SORCS1: variants seen among roughly 807,000 people sequenced by gnomAD.
SORCS1 encodes the protein VPS10 domain-containing receptor SorCS1.
A neutral mutation model predicts 146.1 loss-of-function variants in SORCS1; 60 were observed. The observed-to-expected ratio is 0.41, with a 90% CI of 0.33 to 0.51. SORCS1 has a LOEUF of 0.51. Among genes scored for constraint, SORCS1 ranks in the 20% least tolerant of loss-of-function variants. The pLI, the probability that SORCS1 is intolerant of heterozygous loss-of-function variation, is 0.21. For missense variants in SORCS1, 1,352 were observed against 1,487.6 expected, an observed-to-expected ratio of 0.91 and a Z score of 1.50; for synonymous variants, 637 against 584.0, an observed-to-expected ratio of 1.09 and a Z score of -1.31.
intron 1 of SORCS1, among the ~76,000 whole-genome samples, chr10:107,013,661 C>T (rs1042476975): frequency 1.3e-5 from 2 of 152,142 alleles, no homozygotes; most frequent in Non-Finnish European, 2.9e-5. Flanking sequence ...ACCACCTCAG[C>T]TTGTAGGCTA....
At chr10:107,121,601 A>C (rs1966415991) in intron 1 of SORCS1, among the ~76,000 whole-genome samples, 1 of 152,206 alleles carries the variant, frequency 6.6e-6, no homozygotes, top group Admixed American at 6.5e-5. Flanking sequence ...CAACATTATC[A>C]AACATGATTC....
chr10:107,087,507 A>C (rs530585223), intron 1 of SORCS1, among the ~76,000 whole-genome samples: 1 of 152,382 alleles, frequency 6.6e-6, no homozygotes, highest in African/African-American at 2.4e-5. Flanking sequence ...CTAACGGAAT[A>C]GTCACTAACT....
intron 1 of SORCS1, among the ~76,000 whole-genome samples, chr10:107,002,998 G>A (rs1957280030): frequency 6.6e-6 from 1 of 152,132 alleles, no homozygotes; most frequent in African/African-American, 2.4e-5. Context: ...GCTCACACCT[G>A]TAATCCTAGC....
chr10:106,858,345 C>A (rs1272602179), intron 2 of SORCS1, among the ~76,000 whole-genome samples: 5 of 151,002 alleles, frequency 3.3e-5, no homozygotes. Context: ...TTTGGCTGGG[C>A]GCAGTGGCTC....
intron 2 of SORCS1, among the ~76,000 whole-genome samples, chr10:106,898,405 A>G (rs1357499402): frequency 6.6e-6 from 1 of 152,202 alleles, no homozygotes; most frequent in Non-Finnish European, 1.5e-5. Context: ...CTTTCTATGC[A>G]GGAGTTTTAC....
At position 107,014,203 on chromosome 10, in the gene SORCS1, G is replaced by A. The variant is rs771579580; in HGVS notation, c.559-57623C>T. Reference sequence around the variant, plus strand: ...GGAGGCAGAGGTTGCGGTGAGCCAAGATCATGCCACTGCATTCCAGCCTGG... The same window carrying A: ...GGAGGCAGAGGTTGCGGTGAGCCAAAATCATGCCACTGCATTCCAGCCTGG... On this transcript the variant is annotated intron_variant, in intron 1 of 25. Coordinates refer to ENST00000263054, the MANE Select transcript of SORCS1 (RefSeq NM_052918.5). 1.1e-3 allele frequency among the ~76,000 whole-genome samples: 144 copies of A among 136,886 alleles called. 1 individual carries two copies. Among genetic ancestry groups the A allele is most frequent in the Middle Eastern group, 7.4e-3 (2 of 270 alleles). 89.8% of individuals were successfully genotyped at this position (136,886 alleles called of 152,430 possible).
intron 1 of SORCS1, among the ~76,000 whole-genome samples, chr10:107,102,114 G>T (rs11813704): frequency 0.029 from 4,450 of 152,212 alleles, 217 homozygotes; most frequent in African/African-American, 0.1. Context: ...CTAGCATAAT[G>T]CAACACATGA....
At chr10:107,014,197 A>T (rs1957796492) in intron 1 of SORCS1, among the ~76,000 whole-genome samples, 1 of 148,058 alleles carries the variant, frequency 6.8e-6, no homozygotes, top group South Asian at 2.2e-4. Flanking sequence ...GGTTGCGGTG[A>T]GCCAAGATCA....
chr10:106,751,058 CAAAAAAAAAAAAAAAAAAA>C (rs35691571), intron 5 of SORCS1, among the ~76,000 whole-genome samples: 7 of 22,446 alleles, frequency 3.1e-4, no homozygotes, highest in Admixed American at 1.8e-3. Flanking sequence ...GACTCCGTCT[CAAAAAAAAAAAAAAAAAAA>C]AAAAAAAAAA....
At chr10:106,984,673 A>T (rs1022312177) in intron 1 of SORCS1, among the ~76,000 whole-genome samples, 2 of 151,950 alleles carry the variant, frequency 1.3e-5, no homozygotes, top group South Asian at 2.1e-4. Flanking sequence ...GATTACAGGC[A>T]TGAGCCACTG....
intron 1 of SORCS1, among the ~76,000 whole-genome samples, chr10:107,148,275 T>C (rs905190704): frequency 6.6e-6 from 1 of 152,158 alleles, no homozygotes; most frequent in African/African-American, 2.4e-5. Flanking sequence ...AACGTTCCTG[T>C]AAAGGGTCAC....
At chr10:106,760,899 G>A (rs1299989778) in intron 5 of SORCS1, among the ~76,000 whole-genome samples, 1 of 152,052 alleles carries the variant, frequency 6.6e-6, no homozygotes, top group African/African-American at 2.4e-5. Flanking sequence ...TTGAGGTCAG[G>A]AGTTCAAGAC....
chr10:106,837,827 T>C (rs1346723036), intron 2 of SORCS1, among the ~76,000 whole-genome samples: 2 of 152,078 alleles, frequency 1.3e-5, no homozygotes, highest in Non-Finnish European at 2.9e-5. Flanking sequence ...AACTGTCTTA[T>C]TGCTTTCTGA....
rs1050979593 is a variant in SORCS1 at position 106,847,845 on chromosome 10, C to T, written c.627-18172G>A. ...TTCTGTCTTCATTTCGTTATGTACC[C>T]AGTAGTCATTCAGGAGCAGGTTGTT... On this transcript the variant is annotated intron_variant, in intron 2 of 25. Coordinates refer to ENST00000263054, the MANE Select transcript of SORCS1 (RefSeq NM_052918.5). Among the ~76,000 whole-genome samples, 116 of 147,172 alleles carry T rather than the reference C, an allele frequency of 7.9e-4. 2 individuals are homozygous for T. The highest frequency in any genetic ancestry group is 1.7e-4 in the Non-Finnish European group (11 of 66,422).
At chr10:106,655,414 AG>A (rs1272544901) in intron 17 of SORCS1, among the ~76,000 whole-genome samples, 2 of 151,998 alleles carry the variant, frequency 1.3e-5, no homozygotes, top group African/African-American at 4.8e-5. Context: ...TGCAAACTGA[AG>A]TCAGGTTATG....
At chr10:106,768,952 A>G (rs1237195194) in intron 4 of SORCS1, among the ~76,000 whole-genome samples, 1 of 152,224 alleles carries the variant, frequency 6.6e-6, no homozygotes, top group Non-Finnish European at 1.5e-5. Flanking sequence ...TGGAGAAACT[A>G]CATTTAAACG....
chr10:107,117,259 T>C (rs1196280533), intron 1 of SORCS1, among the ~76,000 whole-genome samples: 4 of 152,058 alleles, frequency 2.6e-5, no homozygotes, highest in Non-Finnish European at 5.9e-5. Flanking sequence ...AAACAAAAAG[T>C]AATGAAGGAA....
intron 5 of SORCS1, among the ~76,000 whole-genome samples, chr10:106,759,149 T>C (rs1283570103): frequency 6.6e-6 from 1 of 152,192 alleles, no homozygotes; most frequent in East Asian, 1.9e-4. Context: ...GAAGTTCATA[T>C]AAAAGCGAAA....
chr10:106,944,920 C>T (rs1004273895), intron 2 of SORCS1, among the ~76,000 whole-genome samples: 2 of 92,132 alleles, frequency 2.2e-5, no homozygotes, highest in Non-Finnish European at 4.2e-5. Context: ...GAGTCTCGCT[C>T]TGTCACTCAG....
Sources: allele counts gnomAD v4.1 joint callset (sites outside exome capture counted in the v4.1 genomes callset), GRCh38; gene constraint gnomAD v4.1.1; transcripts MANE v1.5; gene names NCBI Gene and HGNC (gene_info 2026-07-23, HGNC 2026-07-21).